Variants in CACNA1B observed in about 807,000 individuals in gnomAD.
The protein encoded by CACNA1B is calcium voltage-gated channel subunit alpha1 B.
Under a neutral mutation model 247.2 loss-of-function variants are expected in CACNA1B, and 70 were observed. The observed-to-expected ratio is 0.28, with a 90% confidence interval of 0.23 to 0.35. CACNA1B has a LOEUF of 0.35. CACNA1B is among the 10% of genes least tolerant of loss of function. The probability of loss-of-function intolerance (pLI) is 1.00; values close to 1 mark genes in which losing one functional copy is unlikely to be tolerated. For synonymous variants in CACNA1B, 1,231 were observed against 1,294.4 expected (o/e 0.95, Z 1.05); for missense variants, 2,367 against 3,197.4 (o/e 0.74, Z 6.26).
chr9:138,091,761 A>T (rs188323785), intron 36 of CACNA1B, among the ~76,000 whole-genome samples: 1 of 152,256 alleles, frequency 6.6e-6, no homozygotes, highest in Non-Finnish European at 1.5e-5. Context: ...GAATTTAAAA[A>T]AAGGAACTGA....
At chr9:137,925,667 A>G (rs1367802618) in intron 6 of CACNA1B, among the ~76,000 whole-genome samples, 1 of 151,804 alleles carries the variant, frequency 6.6e-6, no homozygotes, top group East Asian at 1.9e-4. Context: ...GCAAACAGAA[A>G]CAGTTTATTT....
At chr9:137,992,693 A>C (rs923110979) in intron 15 of CACNA1B, among the ~76,000 whole-genome samples, 2 of 152,278 alleles carry the variant, frequency 1.3e-5, no homozygotes, top group Middle Eastern at 3.4e-3. Flanking sequence ...ATAGGCCACA[A>C]AACAAGTCTC....
intron 37 of CACNA1B, among the ~76,000 whole-genome samples, chr9:138,099,123 G>T (rs1284286578): frequency 6.6e-6 from 1 of 152,166 alleles, no homozygotes; most frequent in Non-Finnish European, 1.5e-5. Flanking sequence ...GTGTGCACAT[G>T]TGTGGTGCAC....
chr9:137,894,712 A>G (rs980738564), intron 3 of CACNA1B, among the ~76,000 whole-genome samples: 2 of 152,046 alleles, frequency 1.3e-5, no homozygotes, highest in African/African-American at 2.4e-5. Flanking sequence ...CTGGCCCTAC[A>G]TATCCTTTTA....
intron 36 of CACNA1B, among the ~76,000 whole-genome samples, chr9:138,088,073 C>T (rs1164553339): frequency 2.0e-5 from 3 of 151,820 alleles, no homozygotes; most frequent in Non-Finnish European, 2.9e-5. Flanking sequence ...AAAAGATCAA[C>T]GAAATGAAAA....
Position 137,901,634 on chromosome 9 carries a change from A to G in CACNA1B, c.531-11546A>G, listed in dbSNP as rs1218451785. Among the ~76,000 whole-genome samples the G allele has an allele frequency of 5.3e-5, 8 of 150,526 alleles. No individual in the cohort carries two copies. The East Asian group carries it at 1.6e-3, about 29-fold the overall frequency. ...TGCCAATTTGTTTTCCAAATGGGAT[A>G]TATAAGTTTGTATTCCACCAGTTCT... is the stretch of plus-strand genomic sequence containing the variant. On this transcript the variant is annotated intron_variant, in intron 3 of 46. Coordinates refer to ENST00000371372, the MANE Select transcript of CACNA1B (RefSeq NM_000718.4).
At position 138,010,183 on chromosome 9, in the gene CACNA1B, G is replaced by T; in HGVS notation, c.2160+106G>T. On this transcript the variant is annotated intron_variant, in intron 17 of 46. Transcript: ENST00000371372. This position sits in a 1 kb window ranked among gnomAD's most constrained non-coding sequence, Gnocchi z 5.3. ...TTAGGGCCTCGTGTCCAGGAGCGTT[G>T]CCTTGGGTCCTGGCGGGCAGAGGCT... The T allele has an allele frequency of 2.3e-6, 2 of 869,430 alleles. No homozygotes were observed. The highest frequency in any genetic ancestry group is 1.9e-6 in the Non-Finnish European group (1 of 527,922). The allele number at this position is 869,430 out of a possible 1,614,324, so 53.9% of individuals were successfully genotyped here.
At chr9:137,885,919 G>A (rs1373464978) in intron 3 of CACNA1B, among the ~76,000 whole-genome samples, 1 of 150,224 alleles carries the variant, frequency 6.7e-6, no homozygotes, top group African/African-American at 2.5e-5. Flanking sequence ...TCTTGTGTGT[G>A]CCCAGGGCCT....
rs1451522540 is a variant in CACNA1B at position 138,073,387 on chromosome 9, T to C, written c.4675-101T>C. The C allele has an allele frequency of 3.4e-5, 24 of 706,850 alleles. No individual in the cohort carries two copies. Among genetic ancestry groups the C allele is most frequent in the Non-Finnish European group, 4.6e-5 (18 of 390,330 alleles). The allele number at this position is 706,850 out of a possible 1,614,324, so 43.8% of individuals were successfully genotyped here. ...ATTTTAATCTTTTTAACCACTTTTC[T>C]TTGGGGCCACAGGGATGTGGGAAGA... is the stretch of plus-strand genomic sequence containing the variant. On this transcript the variant is annotated intron_variant, in intron 32 of 46. Transcript: ENST00000371372. This position sits in a 1 kb window ranked among gnomAD's most constrained non-coding sequence, Gnocchi z 6.4.
At chr9:138,087,512 C>T (rs1336444381) in intron 36 of CACNA1B, among the ~76,000 whole-genome samples, 4 of 143,508 alleles carry the variant, frequency 2.8e-5, no homozygotes, top group African/African-American at 5.4e-5. Context: ...GTCAAGAGAT[C>T]GACACCATCC....
rs1353481558 is a variant in CACNA1B, at chr9:137,881,555, C to T, written c.391-1189C>T. 6.6e-6 allele frequency among the ~76,000 whole-genome samples: 1 copy of T among 152,202 alleles called. No homozygotes were observed. The highest frequency in any genetic ancestry group is 2.4e-5 in the African/African-American group (1 of 41,446). On this transcript the variant is annotated intron_variant, in intron 2 of 46. Transcript: ENST00000371372. The surrounding 1 kb of genome is among the most constrained non-coding windows in gnomAD (Gnocchi z 4.3). ...GGCCCTTGAAGCTGGTCTCCTCTCC[C>T]CACCCCTTCACCTGCTTCCTAAGGC... is the stretch of plus-strand genomic sequence containing the variant.
In CACNA1B at chr9:138,121,703, G is replaced by A. The variant is rs79400016; in HGVS notation, c.6724G>A (p.Asp2242Asn). 1.2e-6 allele frequency: 2 copies of A among 1,613,284 alleles called. No homozygotes were observed. The highest frequency in any genetic ancestry group is 1.7e-6 in the Non-Finnish European group (2 of 1,179,812). Residue 2242 changes from aspartate (D) to asparagine (N), a missense_variant, in exon 47 of 47, where the codon GAC (aspartate) becomes AAC (asparagine). Transcript: ENST00000371372. This position sits in a 1 kb window ranked among gnomAD's most constrained non-coding sequence, Gnocchi z 6.8. The part of the protein sequence containing the change: ...LSEHNALLQR[D>N]PLSQPLAPGS... ...CGAACACAACGCCCTGCTGCAGAGA[G>A]ACCCCCTCAGCCAGCCCCTGGCCCC...
chr9:138,016,679 C>T (rs963426010), intron 18 of CACNA1B, among the ~76,000 whole-genome samples: 11 of 152,190 alleles, frequency 7.2e-5, no homozygotes, highest in South Asian at 6.2e-4. Flanking sequence ...AGCCTCCCGC[C>T]GCAGGGTGCG....
At chr9:137,953,687 C>G (rs1957905760) in intron 7 of CACNA1B, among the ~76,000 whole-genome samples, 1 of 152,098 alleles carries the variant, frequency 6.6e-6, no homozygotes, top group Admixed American at 6.6e-5. Context: ...AGGAATGAGC[C>G]AGGCTAAGGA....
At chr9:138,089,368 G>C (rs1960806775) in intron 36 of CACNA1B, among the ~76,000 whole-genome samples, 1 of 152,100 alleles carries the variant, frequency 6.6e-6, no homozygotes, top group African/African-American at 2.4e-5. Context: ...TTCAACATAA[G>C]TAAACCAGTA....
intron 6 of CACNA1B, among the ~76,000 whole-genome samples, chr9:137,948,023 C>T (rs1425343119): frequency 6.8e-6 from 1 of 147,916 alleles, no homozygotes; most frequent in African/African-American, 2.5e-5. Flanking sequence ...CTCTGTCACC[C>T]AGGCTAGAGT....
intron 6 of CACNA1B, among the ~76,000 whole-genome samples, chr9:137,926,068 CT>C (rs71387875): frequency 0.28 from 29,807 of 104,630 alleles, 4,504 homozygotes; most frequent in East Asian, 0.57. Flanking sequence ...TTTTTCCTTT[CT>C]TTTTTTTTTT....
intron 20 of CACNA1B, among the ~76,000 whole-genome samples, chr9:138,028,263 T>C (rs1182142689): frequency 1.3e-5 from 2 of 152,132 alleles, no homozygotes; most frequent in South Asian, 2.1e-4. Context: ...CCTCAAGTGA[T>C]CCACCTGTCT....
chr9:138,085,754 A>T (rs1367513965), intron 36 of CACNA1B, among the ~76,000 whole-genome samples: 3 of 151,312 alleles, frequency 2.0e-5, no homozygotes, highest in Non-Finnish European at 4.4e-5. Context: ...TGGTAAAAGG[A>T]AAACAAAAAA....
Sources: gnomAD v4.1 joint callset for allele counts (sites outside exome capture counted in the v4.1 genomes callset) on GRCh38, gnomAD v4.1.1 for gene constraint, Gnocchi (gnomAD v3.1) non-coding constraint, MANE v1.5 for transcripts, NCBI Gene and HGNC (gene_info 2026-07-23, HGNC 2026-07-21) for gene names.